The following ACACA variants were observed in gnomAD, a reference collection of about 807,000 sequenced individuals.
ACACA encodes the protein acetyl-CoA carboxylase alpha, also known as acetyl-CoA carboxylase 1.
In ACACA, 103 loss-of-function variants were observed where a neutral mutation model predicts 296.1. That is an observed-to-expected ratio of 0.35 (90% CI 0.30 to 0.41). The LOEUF (loss-of-function observed/expected upper bound fraction) is 0.41. Ranked by LOEUF, ACACA falls within the 10% of genes least tolerant of loss-of-function variation. The probability of loss-of-function intolerance (pLI) is 1.00; values close to 1 mark genes in which losing one functional copy is unlikely to be tolerated. For missense variants in ACACA, 1,554 were observed against 2,989.7 expected, an observed-to-expected ratio of 0.52 and a Z score of 11.20; for synonymous variants, 953 against 1,038.6, an observed-to-expected ratio of 0.92 and a Z score of 1.58.
intron 27 of ACACA, 88 bp from the exon 28 acceptor site, chr17:37,223,689 A>C (rs2145684882): frequency 1.0e-6 from 1 of 1,001,594 alleles, no homozygotes; most frequent in Non-Finnish European, 1.6e-6. Context: ...CATTTAGTGA[A>C]ACCTAAGAAT....
At chr17:37,142,739 C>T (rs2143866244) in intron 45 of ACACA, among the ~76,000 whole-genome samples, 1 of 152,256 alleles carries the variant, frequency 6.6e-6, no homozygotes, top group Non-Finnish European at 1.5e-5. Context: ...TATATACTAC[C>T]CTGTCACGAC....
chr17:37,109,842 T>C (rs1358144520), intron 52 of ACACA, among the ~76,000 whole-genome samples: 1 of 152,194 alleles, frequency 6.6e-6, no homozygotes, highest in Admixed American at 6.5e-5. Context: ...GAAGGGATGA[T>C]AACAGCCATT....
chr17:37,156,715 T>C (rs1339182605), intron 42 of ACACA, among the ~76,000 whole-genome samples: 1 of 152,198 alleles, frequency 6.6e-6, no homozygotes, highest in Non-Finnish European at 1.5e-5. Flanking sequence ...TAGAGTTACA[T>C]GGTATATGTG....
At chr17:37,175,894 G>A (rs1457501132) in intron 41 of ACACA, among the ~76,000 whole-genome samples, 1 of 152,176 alleles carries the variant, frequency 6.6e-6, no homozygotes, top group Admixed American at 6.5e-5. Flanking sequence ...ATAGAAAGGA[G>A]ACAGTAGCTA....
At chr17:37,139,190 TGAA>T (rs2075456558) in intron 45 of ACACA, among the ~76,000 whole-genome samples, 1 of 152,098 alleles carries the variant, frequency 6.6e-6, no homozygotes, top group Non-Finnish European at 1.5e-5. Context: ...GAATATAAAA[TGAA>T]GAAGACGAAG....
chr17:37,181,126 A>C, intron 40 of ACACA, 75 bp downstream of exon 40: 1 of 1,563,338 alleles, frequency 6.4e-7, no homozygotes, highest in Non-Finnish European at 8.8e-7. Context: ...CTTCTAGCCA[A>C]AACCGCATCT....
intron 35 of ACACA, among the ~76,000 whole-genome samples, chr17:37,193,667 T>A (rs2077860765): frequency 6.6e-6 from 1 of 152,036 alleles, no homozygotes; most frequent in African/African-American, 2.4e-5. Context: ...GGAAAAAAAA[T>A]GTATGAATTT....
At chr17:37,258,477 TA>T in intron 12 of ACACA, 104 bp from the exon 13 acceptor site, 1 of 1,067,374 alleles carries the variant, frequency 9.4e-7, no homozygotes, top group East Asian at 2.5e-5. Context: ...AGCCACTCCC[TA>T]AAACATTCTA....
chr17:37,142,304 T>C (rs561292212), intron 45 of ACACA, among the ~76,000 whole-genome samples: 3 of 152,324 alleles, frequency 2.0e-5, no homozygotes, highest in Admixed American at 6.5e-5. Flanking sequence ...GCACTCAGGA[T>C]TGTTGGCAGG....
intron 1 of ACACA, among the ~76,000 whole-genome samples, chr17:37,355,599 T>TA: frequency 6.6e-6 from 1 of 151,738 alleles, no homozygotes; most frequent in East Asian, 1.9e-4. Context: ...CTCACGCCCA[T>TA]AATCCCAGCA....
At chr17:37,091,592 T>G (rs184603597) in intron 54 of ACACA, among the ~76,000 whole-genome samples, 1 of 152,236 alleles carries the variant, frequency 6.6e-6, no homozygotes, top group African/African-American at 2.4e-5. Flanking sequence ...TTTTTTTTTC[T>G]TCCCCCAGAC....
chr17:37,261,482 G>A (rs1421879734), intron 11 of ACACA, among the ~76,000 whole-genome samples: 2 of 152,188 alleles, frequency 1.3e-5, no homozygotes, highest in East Asian at 3.8e-4. Context: ...CACAAACCTG[G>A]CCTTCAAAAG....
chr17:37,209,434 G>C lies in ACACA; in HGVS notation c.3707+1033C>G, dbSNP rs150718208. On this transcript the variant is annotated intron_variant, in intron 30 of 55. Coordinates refer to ENST00000616317, the MANE Select transcript of ACACA (RefSeq NM_198834.3). ...AAACTATGTTTGTGGCAACCATGGGGTTAAGTAGCTTTTTCACTCAACTGA... is the reference window on the plus strand; with the variant it reads ...AAACTATGTTTGTGGCAACCATGGGCTTAAGTAGCTTTTTCACTCAACTGA... Among the ~76,000 whole-genome samples the C allele has an allele frequency of 1.4e-4, 22 of 152,286 alleles. No homozygotes were observed. In the East Asian group the frequency reaches 4.2e-3, roughly 29 times the overall value.
chr17:37,393,136 C>T lies in ACACA; in HGVS notation c.38+13126G>A, dbSNP rs557558708. 2.1e-5 allele frequency among the ~76,000 whole-genome samples: 3 copies of T among 143,970 alleles called. No individual in the cohort carries two copies. The Admixed American group carries it at 2.1e-4, about 10-fold the overall frequency. 94.4% of individuals were successfully genotyped at this position (143,970 alleles called of 152,430 possible). On this transcript the variant is annotated intron_variant, in intron 1 of 55. Coordinates refer to ENST00000616317, the MANE Select transcript of ACACA (RefSeq NM_198834.3). ...TCTAGCCTGAGTGACAGGAGCAAAA[C>T]TCCATCTCAAAAAAAAAAAAAGAAA...
intron 3 of ACACA, chr17:37,301,370 T>C: frequency 2.0e-6 from 2 of 985,376 alleles, no homozygotes; most frequent in Non-Finnish European, 2.4e-6. Flanking sequence ...GTGTCCAACG[T>C]AGACACATAC....
intron 14 of ACACA, among the ~76,000 whole-genome samples, chr17:37,254,426 T>C (rs1358730637): frequency 6.6e-6 from 1 of 152,136 alleles, no homozygotes; most frequent in Non-Finnish European, 1.5e-5. Context: ...TTCTACAAAC[T>C]TCAATTATCA....
In ACACA at chr17:37,240,578, A is replaced by T. The variant is rs1396702290; in HGVS notation, c.3033-14T>A. The T allele has an allele frequency of 1.9e-6, 3 of 1,607,776 alleles. No homozygotes were observed. Among genetic ancestry groups the T allele is most frequent in the Non-Finnish European group, 2.5e-6 (3 of 1,178,126 alleles). Reference sequence around the variant, plus strand: ...CCACTTCGGTACCTAGGCAAATAGAAAGTCTCCACTGAAAAACCTGACAAT... The same window carrying T: ...CCACTTCGGTACCTAGGCAAATAGATAGTCTCCACTGAAAAACCTGACAAT... On this transcript the variant is annotated splice_polypyrimidine_tract_variant and intron_variant, in intron 23 of 55. Coordinates refer to ENST00000616317, the MANE Select transcript of ACACA (RefSeq NM_198834.3).
At chr17:37,211,590 A>G (rs1271716341) in intron 29 of ACACA, among the ~76,000 whole-genome samples, 1 of 152,212 alleles carries the variant, frequency 6.6e-6, no homozygotes, top group East Asian at 1.9e-4. Flanking sequence ...GGGGTTTTCT[A>G]GCACACAGAG....
intron 41 of ACACA, among the ~76,000 whole-genome samples, chr17:37,165,956 C>T (rs1190107120): frequency 1.3e-5 from 2 of 151,750 alleles, no homozygotes; most frequent in African/African-American, 4.8e-5. Flanking sequence ...GGATTATAGG[C>T]GTGAGCCACC....
Sources: gnomAD v4.1 joint callset for allele counts (sites outside exome capture counted in the v4.1 genomes callset) on GRCh38, gnomAD v4.1.1 for gene constraint, MANE v1.5 for transcripts, NCBI Gene and HGNC (gene_info 2026-07-23, HGNC 2026-07-21) for gene names.